Variants in YEATS4 observed in about 807,000 individuals in gnomAD.
YEATS4 encodes YEATS domain containing 4, also known as YEATS domain-containing protein 4.
In YEATS4, 17 loss-of-function variants were observed where a neutral mutation model predicts 30.1. That is an observed-to-expected ratio of 0.56 (90% CI 0.39 to 0.85). The LOEUF (loss-of-function observed/expected upper bound fraction) is 0.85, where lower values mean the gene tolerates loss of function less well. YEATS4 is among the 40% of genes least tolerant of loss of function. The probability of loss-of-function intolerance (pLI) is 0.00; values close to 1 mark genes in which losing one functional copy is unlikely to be tolerated. For synonymous variants in YEATS4, 85 were observed against 87.5 expected, an observed-to-expected ratio of 0.97 and a Z score of 0.16; for missense variants, 142 against 268.3, an observed-to-expected ratio of 0.53 and a Z score of 3.29.
chr12:69,362,981 A>C lies in YEATS4; in HGVS notation c.171+74A>C, dbSNP rs569731948. 255 of 313,194 alleles carry C rather than the reference A, an allele frequency of 8.1e-4. 21 individuals are homozygous for C. In the African/African-American group the frequency reaches 8.4e-3, roughly 10 times the overall value. 19.4% of individuals were successfully genotyped at this position (313,194 alleles called of 1,614,324 possible). A position where few individuals can be genotyped will look rare whatever the true frequency, so the allele number is the denominator to read the frequency against. On this transcript the variant is annotated intron_variant, in intron 2 of 6. Coordinates refer to ENST00000247843, the MANE Select transcript of YEATS4 (RefSeq NM_006530.4). The stretch of plus-strand genomic sequence containing the variant: ...TTTGTTTTGCTTAAAGACAACCTGT[A>C]GTTTTTTTTTTTTTTTTTTTTTTTT...
rs577023967 is a variant in YEATS4, at chr12:69,359,867, C to T, written c.-106C>T. 9.8e-6 allele frequency: 14 copies of T among 1,428,426 alleles called. No homozygotes were observed. The highest frequency in any genetic ancestry group is 5.8e-5 in the African/African-American group (4 of 69,506). The allele number at this position is 1,428,426 out of a possible 1,614,324, so 88.5% of individuals were successfully genotyped here. A position where few individuals can be genotyped will look rare whatever the true frequency, so the allele number is the denominator to read the frequency against. ...AACTCGCCCTCCTTCGGCTAGAAAC[C>T]CTCCGCCTGGGCCCGCGCGACAGGA... On this transcript the variant is annotated 5_prime_UTR_variant, in exon 1 of 7. Transcript: ENST00000247843.
intron 3 of YEATS4, 31 bp from the exon 4 acceptor site, chr12:69,365,759 C>A: frequency 6.5e-7 from 1 of 1,537,044 alleles, no homozygotes; most frequent in South Asian, 1.1e-5. Flanking sequence ...GAAACTAAAC[C>A]GATAATTTAC....
chr12:69,395,658 A>C (rs150693457), downstream of YEATS4, among the ~76,000 whole-genome samples: 5 of 152,352 alleles, frequency 3.3e-5, no homozygotes, highest in Non-Finnish European at 7.4e-5. Flanking sequence ...TAGTTTAAAA[A>C]TTAAATGAAA....
chr12:69,383,373 T>G (rs1876153966), intron 6 of YEATS4, among the ~76,000 whole-genome samples: 1 of 152,006 alleles, frequency 6.6e-6, no homozygotes, highest in Non-Finnish European at 1.5e-5. Context: ...AGAGGAGAAG[T>G]GTAGGCTGGA....
the YEATS4 span, among the ~76,000 whole-genome samples, chr12:69,409,790 T>C: frequency 6.6e-6 from 1 of 150,834 alleles, no homozygotes; most frequent in Non-Finnish European, 1.5e-5. Flanking sequence ...TTAGCATGCA[T>C]GTGTGTATCT....
chr12:69,363,085 C>A (rs538941087), intron 2 of YEATS4, 178 bp downstream of exon 2: 1 of 386,158 alleles, frequency 2.6e-6, no homozygotes, highest in South Asian at 6.1e-5. Flanking sequence ...CTCCGCCTCC[C>A]GGGTTCACGC....
the YEATS4 span, among the ~76,000 whole-genome samples, chr12:69,419,269 G>A: frequency 6.8e-6 from 1 of 146,384 alleles, no homozygotes; most frequent in Non-Finnish European, 1.5e-5. Context: ...TGCCCAGGCT[G>A]GAGTGCAGTG....
In YEATS4 at chr12:69,359,967, G is replaced by A. The variant is rs2120866916; in HGVS notation, c.-6G>A. ...CTGGCGGCGGCGGCTTCTTCCGTGG[G>A]ACAATATGTTCAAGAGAATGGCCGA... On this transcript the variant is annotated 5_prime_UTR_variant, in exon 1 of 7. Transcript: ENST00000247843. 6.2e-7 allele frequency: 1 copy of A among 1,612,740 alleles called. No individual in the cohort carries two copies. The highest frequency in any genetic ancestry group is 2.2e-5 in the East Asian group (1 of 44,696).
downstream of YEATS4, among the ~76,000 whole-genome samples, chr12:69,394,656 T>G (rs1683189218): frequency 6.6e-6 from 1 of 151,718 alleles, no homozygotes; most frequent in South Asian, 2.1e-4. Context: ...TGTGGTAGAG[T>G]CTCACTCTGT....
chr12:69,379,939 G>A (rs149970613), intron 6 of YEATS4, among the ~76,000 whole-genome samples: 7 of 152,080 alleles, frequency 4.6e-5, no homozygotes, highest in Non-Finnish European at 8.8e-5. Flanking sequence ...ATTTCTGCTC[G>A]ATTCTTTTAA....
chr12:69,372,191 T>C (rs912534778), intron 6 of YEATS4, among the ~76,000 whole-genome samples: 5 of 152,220 alleles, frequency 3.3e-5, no homozygotes, highest in African/African-American at 1.2e-4. Flanking sequence ...TTAACTTCTT[T>C]AAAATGTTTA....
chr12:69,362,013 GTTTTT>G (rs533225716), intron 1 of YEATS4, among the ~76,000 whole-genome samples: 1 of 69,080 alleles, frequency 1.4e-5, no homozygotes, highest in African/African-American at 5.0e-5. Context: ...GTGTTTGGTT[GTTTTT>G]TTTTTTTTTT....
At chr12:69,392,702 A>G (rs1868325144), downstream of YEATS4, among the ~76,000 whole-genome samples, 1 of 152,214 alleles carries the variant, frequency 6.6e-6, no homozygotes, top group Admixed American at 6.5e-5. Context: ...TGGTGCTGTT[A>G]TTCATATTTT....
At chr12:69,386,118 A>G (rs1017134784) in intron 6 of YEATS4, among the ~76,000 whole-genome samples, 5 of 152,242 alleles carry the variant, frequency 3.3e-5, no homozygotes, top group African/African-American at 1.2e-4. Context: ...CATTTAACAC[A>G]TAGGAAGCAG....
intron 6 of YEATS4, among the ~76,000 whole-genome samples, chr12:69,375,461 G>A (rs1875828539): frequency 7.4e-6 from 1 of 134,728 alleles, no homozygotes. Context: ...CCAGACGATG[G>A]GCGGCCAGGC....
chr12:69,364,533 G>T (rs1212167387), intron 2 of YEATS4, among the ~76,000 whole-genome samples: 1 of 152,024 alleles, frequency 6.6e-6, no homozygotes, highest in Admixed American at 6.6e-5. Context: ...ATATGCTTCT[G>T]TACTTTTAAA....
chr12:69,375,816 C>G (rs1246891820), intron 6 of YEATS4, among the ~76,000 whole-genome samples: 1 of 151,802 alleles, frequency 6.6e-6, no homozygotes, highest in Non-Finnish European at 1.5e-5. Context: ...GCAGGAGAAT[C>G]AGGCAGGGAG....
At chr12:69,412,110 G>A in the YEATS4 span, among the ~76,000 whole-genome samples, 3 of 152,204 alleles carry the variant, frequency 2.0e-5, no homozygotes, top group South Asian at 2.1e-4. Flanking sequence ...GTCGGGAGCA[G>A]TACACTTAAT....
intron 1 of YEATS4, among the ~76,000 whole-genome samples, chr12:69,360,409 G>A (rs11177615): frequency 0.35 from 52,915 of 151,966 alleles, 10,696 homozygotes; most frequent in Non-Finnish European, 0.46. Context: ...AATAACTGTA[G>A]CAAACAGTCG....
Sources: allele counts gnomAD v4.1 joint callset (sites outside exome capture counted in the v4.1 genomes callset), GRCh38; gene constraint gnomAD v4.1.1; transcripts MANE v1.5; gene names NCBI Gene and HGNC (gene_info 2026-07-23, HGNC 2026-07-21).